The following ERCC3 variants were observed in gnomAD, a reference collection of about 807,000 sequenced individuals.
ERCC3 encodes the protein general transcription and DNA repair factor IIH helicase/translocase subunit XPB.
Under a neutral mutation model 94.2 loss-of-function variants are expected in ERCC3, and 66 were observed. The observed-to-expected ratio is 0.70, with a 90% confidence interval of 0.57 to 0.86. The LOEUF (loss-of-function observed/expected upper bound fraction) is 0.86. ERCC3 is among the 40% of genes least tolerant of loss of function. The pLI is 0.00. For synonymous variants in ERCC3, 349 were observed against 369.1 expected (o/e 0.95, Z 0.63); for missense variants, 829 against 987.1 (o/e 0.84, Z 2.15).
rs1684684307 is a variant in ERCC3, at chr2:127,274,855, G to A, written c.1731-1894C>T. On this transcript the variant is annotated intron_variant, in intron 10 of 14. Transcript: ENST00000285398. The surrounding 1 kb of genome is among the most constrained non-coding windows in gnomAD (Gnocchi z 4.0). ...ATAGAAGGAAAAGCACCCTCCAAGT[G>A]GAGAATGTCACATTTACTAAATACT... Among the ~76,000 whole-genome samples, 1 of 152,134 alleles carries A rather than the reference G, an allele frequency of 6.6e-6. No individual in the cohort carries two copies. The highest frequency in any genetic ancestry group is 2.1e-4 in the South Asian group (1 of 4,826).
intron 8 of ERCC3, among the ~76,000 whole-genome samples, chr2:127,281,819 T>C (rs1684923504): frequency 2.0e-5 from 3 of 151,944 alleles, no homozygotes; most frequent in Admixed American, 2.0e-4. Flanking sequence ...CAGGGTTATG[T>C]CTAAGGAAAG....
chr2:127,289,312 C>T, intron 6 of ERCC3, 25 bp downstream of exon 6: 5 of 1,610,708 alleles, frequency 3.1e-6, no homozygotes, highest in Non-Finnish European at 4.2e-6. Context: ...AGTGAAGGAA[C>T]CAGGAGGAAG....
In ERCC3 at chr2:127,259,160, T is replaced by C. The variant is rs369552077; in HGVS notation, c.2217+136A>G. The C allele has an allele frequency of 1.1e-5, 11 of 977,676 alleles. No homozygotes were observed. The highest frequency in any genetic ancestry group is 1.7e-5 in the Non-Finnish European group (11 of 630,576). 60.6% of individuals were successfully genotyped at this position (977,676 alleles called of 1,614,324 possible). A position where few individuals can be genotyped will look rare whatever the true frequency, so the allele number is the denominator to read the frequency against. On this transcript the variant is annotated intron_variant, in intron 14 of 14. Coordinates refer to ENST00000285398, the MANE Select transcript of ERCC3 (RefSeq NM_000122.2). The surrounding 1 kb of genome is among the most constrained non-coding windows in gnomAD (Gnocchi z 4.9). ...GGGCAACAAGGATTGTTTCTGTTCA[T>C]CTCTTCCGTGTTTTCCAACATTTCC...
In ERCC3 at chr2:127,272,865, C is replaced by T; in HGVS notation, c.1827G>A (p.Lys609=). 2 of 1,608,658 alleles carry T rather than the reference C, an allele frequency of 1.2e-6. No individual in the cohort carries two copies. Among genetic ancestry groups the T allele is most frequent in the Non-Finnish European group, 1.7e-6 (2 of 1,175,100 alleles). ...NPKINTIFIS[K]VGDTSFDLPE... Reference sequence around the variant, plus strand: ...CCTCCACCCCATATGCCACACAAACCTTGGATATGAAGATGGTGTTAATTT... The same window carrying T: ...CCTCCACCCCATATGCCACACAAACTTTGGATATGAAGATGGTGTTAATTT... Residue 609 remains lysine (K), a splice_region_variant and synonymous_variant, in exon 11 of 15, where the codon AAG becomes AAA. Transcript: ENST00000285398.
chr2:127,288,727 C>T lies in ERCC3; in HGVS notation c.960G>A (p.Gln320=). ...LKPTAVLRPY[Q]EKSLRKMFGN... The stretch of plus-strand genomic sequence containing the variant: ...CAAACATCTTTCGCAAGCTCTTCTC[C>T]TGATAGGGTCTGAGGACAGCTGTGG... The change falls in exon 7 of 15, where the codon CAG becomes CAA. Residue 320 remains glutamine, a synonymous_variant. Transcript: ENST00000285398. 2 of 1,614,166 alleles carry T rather than the reference C, an allele frequency of 1.2e-6. No individual in the cohort carries two copies. Among genetic ancestry groups the T allele is most frequent in the Non-Finnish European group, 1.7e-6 (2 of 1,180,024 alleles).
In ERCC3 at chr2:127,280,433, C is replaced by T; in HGVS notation, c.1527+14G>A. The T allele has an allele frequency of 1.2e-6, 2 of 1,607,090 alleles. No individual in the cohort carries two copies. Among genetic ancestry groups the T allele is most frequent in the East Asian group, 2.2e-5 (1 of 44,624 alleles). On this transcript the variant is annotated intron_variant, in intron 9 of 14. Coordinates refer to ENST00000285398, the MANE Select transcript of ERCC3 (RefSeq NM_000122.2). This position sits in a 1 kb window ranked among gnomAD's most constrained non-coding sequence, Gnocchi z 6.3. ...AGGCCCTTTCCCAGACGCCCCCAGC[C>T]CAGGCCCAGCTACCTCAGCACACTG...
chr2:127,292,812 G>A lies in ERCC3; in HGVS notation c.269C>T (p.Ser90Phe), dbSNP rs1275332128. The A allele has an allele frequency of 1.2e-6, 2 of 1,613,654 alleles. No individual in the cohort carries two copies. Among genetic ancestry groups the A allele is most frequent in the South Asian group, 2.2e-5 (2 of 91,068 alleles). The change falls in exon 3 of 15, where the codon TCT becomes TTT. Residue 90 changes from serine (S) to phenylalanine (F), a missense_variant. Coordinates refer to ENST00000285398, the MANE Select transcript of ERCC3 (RefSeq NM_000122.2). ...GTCTTGGGCATATTTGTAAACTGGAGAGAAGGCTTCCAAGAAGATATGGCC... is the reference window on the plus strand; with the variant it reads ...GTCTTGGGCATATTTGTAAACTGGAAAGAAGGCTTCCAAGAAGATATGGCC... ...PDGHIFLEAFSPVYKYAQDFL... is the reference protein window; with the variant it reads ...PDGHIFLEAFFPVYKYAQDFL...
chr2:127,264,042 A>C lies in ERCC3; in HGVS notation c.1946-2696T>G, dbSNP rs549135061. ...TCCAGTTCTTAAAGGGAATGCTTCC[A>C]GCTTTTGCTTACTTAGTATGATGTT... On this transcript the variant is annotated intron_variant, in intron 12 of 14. Coordinates refer to ENST00000285398, the MANE Select transcript of ERCC3 (RefSeq NM_000122.2). The surrounding 1 kb of genome is among the most constrained non-coding windows in gnomAD (Gnocchi z 4.4). 1.3e-5 allele frequency among the ~76,000 whole-genome samples: 2 copies of C among 152,188 alleles called. No individual in the cohort carries two copies. Among genetic ancestry groups the C allele is most frequent in the African/African-American group, 4.8e-5 (2 of 41,450 alleles).
chr2:127,261,208 G>T lies in ERCC3; in HGVS notation c.2064+20C>A. Reference sequence around the variant, plus strand: ...GAAGGCCTTGGTCCTAGTCTAACCAGAAGCCAAATGGATATGTACCTTGAA... The same window carrying T: ...GAAGGCCTTGGTCCTAGTCTAACCATAAGCCAAATGGATATGTACCTTGAA... On this transcript the variant is annotated intron_variant, in intron 13 of 14. Coordinates refer to ENST00000285398, the MANE Select transcript of ERCC3 (RefSeq NM_000122.2). 6.8e-7 allele frequency: 1 copy of T among 1,475,666 alleles called. No homozygotes were observed. The highest frequency in any genetic ancestry group is 9.5e-7 in the Non-Finnish European group (1 of 1,053,592). 91.4% of individuals were successfully genotyped at this position (1,475,666 alleles called of 1,614,324 possible). A position where few individuals can be genotyped will look rare whatever the true frequency, so the allele number is the denominator to read the frequency against.
At chr2:127,265,425 ATCTTT>A (rs1239948566) in intron 12 of ERCC3, among the ~76,000 whole-genome samples, 1 of 151,180 alleles carries the variant, frequency 6.6e-6, no homozygotes, top group Non-Finnish European at 1.5e-5. Flanking sequence ...AATCTTATTT[ATCTTT>A]TTTTTTGAGA....
intron 8 of ERCC3, among the ~76,000 whole-genome samples, chr2:127,282,648 T>C (rs558077839): frequency 2.7e-4 from 41 of 152,262 alleles, no homozygotes; most frequent in African/African-American, 9.9e-4. Flanking sequence ...TGTGACTTCC[T>C]AGCATTCCCT....
At chr2:127,266,614 G>A (rs966465308) in intron 12 of ERCC3, among the ~76,000 whole-genome samples, 3 of 151,796 alleles carry the variant, frequency 2.0e-5, no homozygotes, top group Non-Finnish European at 2.9e-5. Flanking sequence ...TGGGATTATC[G>A]GCGTAAGCCA....
Position 127,280,368 on chromosome 2 carries a change from C to A in ERCC3, c.1527+79G>T. The A allele has an allele frequency of 7.7e-7, 1 of 1,294,118 alleles. No individual in the cohort carries two copies. Among genetic ancestry groups the A allele is most frequent in the Non-Finnish European group, 1.1e-6 (1 of 911,304 alleles). The allele number at this position is 1,294,118 out of a possible 1,614,324, so 80.2% of individuals were successfully genotyped here. A position where few individuals can be genotyped will look rare whatever the true frequency, so the allele number is the denominator to read the frequency against. ...GCCTAAGTCCTGACCTGTGTCTGCC[C>A]ATGAGGAATCGATCTGATCACTCCC... On this transcript the variant is annotated intron_variant, in intron 9 of 14. Transcript: ENST00000285398. The surrounding 1 kb of genome is among the most constrained non-coding windows in gnomAD (Gnocchi z 6.3).
chr2:127,292,900 A>G, intron 2 of ERCC3, 54 bp from the exon 3 acceptor site: 1 of 1,136,472 alleles, frequency 8.8e-7, no homozygotes, highest in Non-Finnish European at 1.3e-6. Flanking sequence ...TGCAGAGACT[A>G]CTGGGCTCTT....
Position 127,258,264 on chromosome 2 carries a change from G to T in ERCC3, c.2218-537C>A, listed in dbSNP as rs549077297. Among the ~76,000 whole-genome samples the T allele has an allele frequency of 6.6e-6, 1 of 152,256 alleles. No individual in the cohort carries two copies. Among genetic ancestry groups the T allele is most frequent in the South Asian group, 2.1e-4 (1 of 4,828 alleles). On this transcript the variant is annotated intron_variant, in intron 14 of 14. Transcript: ENST00000285398. The surrounding 1 kb of genome is among the most constrained non-coding windows in gnomAD (Gnocchi z 4.1). ...GAATTTTTTAACAGTTAGGGCAAAA[G>T]TTCCTTAAAATCTCCTGAGACACCA...
In ERCC3 at chr2:127,284,863, T is replaced by G. The variant is rs964896807; in HGVS notation, c.1342+1840A>C. On this transcript the variant is annotated intron_variant, in intron 8 of 14. Coordinates refer to ENST00000285398, the MANE Select transcript of ERCC3 (RefSeq NM_000122.2). The surrounding 1 kb of genome is among the most constrained non-coding windows in gnomAD (Gnocchi z 4.1). ...CACACTTGGCTAATTAAAAAAATTTTTTTTTGTAGAGACATGTCTCACTAT... is the reference window on the plus strand; with the variant it reads ...CACACTTGGCTAATTAAAAAAATTTGTTTTTGTAGAGACATGTCTCACTAT... Among the ~76,000 whole-genome samples, 4 of 152,110 alleles carry G rather than the reference T, an allele frequency of 2.6e-5. No individual in the cohort carries two copies. The highest frequency in any genetic ancestry group is 9.7e-5 in the African/African-American group (4 of 41,398).
intron 7 of ERCC3, among the ~76,000 whole-genome samples, 177 bp downstream of exon 7, chr2:127,288,483 C>T (rs1276937054): frequency 6.6e-6 from 1 of 152,192 alleles, no homozygotes; most frequent in Non-Finnish European, 1.5e-5. Flanking sequence ...AGTGTCCAGG[C>T]CAGGGCCCAT....
chr2:127,291,091 GAAAAA>G lies in ERCC3; in HGVS notation c.472-823_472-819del, dbSNP rs997705560. On this transcript the variant is annotated intron_variant, in intron 3 of 14. Transcript: ENST00000285398. The surrounding 1 kb of genome is among the most constrained non-coding windows in gnomAD (Gnocchi z 4.9). Reference sequence around the variant, plus strand: ...AGCAAGACTCCGTCTCAAAAAAAAAGAAAAAAAAAATTTGCCAGTCAGACTTTGAG... The same window carrying G: ...AGCAAGACTCCGTCTCAAAAAAAAAGAAAAATTTGCCAGTCAGACTTTGAG... Among the ~76,000 whole-genome samples the G allele has an allele frequency of 6.6e-6, 1 of 150,396 alleles. No homozygotes were observed. The highest frequency in any genetic ancestry group is 6.6e-5 in the Admixed American group (1 of 15,168).
intron 3 of ERCC3, chr2:127,290,552 T>C (rs1685235234): frequency 4.0e-6 from 2 of 493,884 alleles, no homozygotes; most frequent in Non-Finnish European, 7.4e-6. Flanking sequence ...CTTTCCTCTC[T>C]ATTCCCACAG....
Sources: gnomAD v4.1 joint callset for allele counts (sites outside exome capture counted in the v4.1 genomes callset) on GRCh38, gnomAD v4.1.1 for gene constraint, Gnocchi (gnomAD v3.1) non-coding constraint, MANE v1.5 for transcripts, NCBI Gene and HGNC (gene_info 2026-07-23, HGNC 2026-07-21) for gene names.